Variants in UBE2E2 observed in about 807,000 individuals in gnomAD.
The protein encoded by UBE2E2 is ubiquitin conjugating enzyme E2 E2, also known as ubiquitin-conjugating enzyme E2 E2.
In UBE2E2, 6 loss-of-function variants were observed where a neutral mutation model predicts 24.7. That is an observed-to-expected ratio of 0.24 (90% CI 0.13 to 0.48). The LOEUF (loss-of-function observed/expected upper bound fraction) is 0.48. UBE2E2 is among the 20% of genes least tolerant of loss of function. The pLI is 0.99. For missense variants in UBE2E2, 169 were observed against 245.0 expected, an observed-to-expected ratio of 0.69 and a Z score of 2.07; for synonymous variants, 104 against 83.6, an observed-to-expected ratio of 1.24 and a Z score of -1.33.
chr3:23,293,378 G>A (rs1698823392), intron 3 of UBE2E2, among the ~76,000 whole-genome samples: 1 of 152,200 alleles, frequency 6.6e-6, no homozygotes, highest in Non-Finnish European at 1.5e-5. Flanking sequence ...CTAACATGAA[G>A]GAGTTGAGAT....
At chr3:23,445,970 A>G (rs1008354012) in intron 3 of UBE2E2, among the ~76,000 whole-genome samples, 2 of 152,148 alleles carry the variant, frequency 1.3e-5, no homozygotes, top group African/African-American at 4.8e-5. Flanking sequence ...TTTATCCGTC[A>G]ATGATAGGTC....
At chr3:23,308,831 C>T (rs529181840) in intron 3 of UBE2E2, among the ~76,000 whole-genome samples, 1 of 152,254 alleles carries the variant, frequency 6.6e-6, no homozygotes, top group South Asian at 2.1e-4. Flanking sequence ...AGTCCGGAAG[C>T]CTCAAAACCG....
intron 3 of UBE2E2, among the ~76,000 whole-genome samples, chr3:23,288,334 A>G (rs899917889): frequency 4.6e-5 from 7 of 152,202 alleles, no homozygotes; most frequent in African/African-American, 1.4e-4. Flanking sequence ...GTGGCCTAAT[A>G]TATAGTCTAT....
At chr3:23,221,222 A>G (rs1696627219) in intron 3 of UBE2E2, among the ~76,000 whole-genome samples, 1 of 152,146 alleles carries the variant, frequency 6.6e-6, no homozygotes, top group Non-Finnish European at 1.5e-5. Flanking sequence ...AGCAGTTTAC[A>G]CTTCTATTTC....
chr3:23,567,511 CA>C (rs1249642714), intron 5 of UBE2E2, among the ~76,000 whole-genome samples: 1 of 152,122 alleles, frequency 6.6e-6, no homozygotes, highest in Admixed American at 6.5e-5. Context: ...GAAGACCAAG[CA>C]AAAGGTCACT....
intron 3 of UBE2E2, among the ~76,000 whole-genome samples, chr3:23,481,613 G>A (rs1575658419): frequency 6.6e-6 from 1 of 152,158 alleles, no homozygotes; most frequent in African/African-American, 2.4e-5. Flanking sequence ...TCCTCTGTTT[G>A]TGTCTTACAG....
rs562813995 is a variant in UBE2E2, at chr3:23,266,240, C to A, written c.227+48928C>A. Among the ~76,000 whole-genome samples the A allele has an allele frequency of 3.9e-5, 6 of 152,102 alleles. No individual in the cohort carries two copies. In the East Asian group the frequency reaches 9.7e-4, roughly 25 times the overall value. ...TTAGTTGATGCAGTTTCTTCCTAGC[C>A]TCGATGGTCTTTACAATTTGGCATG... On this transcript the variant is annotated intron_variant, in intron 3 of 5. Coordinates refer to ENST00000396703, the MANE Select transcript of UBE2E2 (RefSeq NM_152653.4).
intron 3 of UBE2E2, among the ~76,000 whole-genome samples, chr3:23,294,124 G>T (rs1012695978): frequency 6.6e-6 from 1 of 152,136 alleles, no homozygotes; most frequent in Non-Finnish European, 1.5e-5. Context: ...AACTAATTCC[G>T]CAAGAATAAT....
At chr3:23,377,019 A>G (rs1298559897) in intron 3 of UBE2E2, among the ~76,000 whole-genome samples, 2 of 152,218 alleles carry the variant, frequency 1.3e-5, no homozygotes, top group African/African-American at 2.4e-5. Flanking sequence ...TTTCACAGCA[A>G]CATAACAGGA....
rs1238384427 is a variant in UBE2E2, at chr3:23,407,642, C to CATGTGTGTGT, written c.228-91966_228-91965insATGTGTGTGT. ...ATGTGTGTGTGTTTGTGTGTGCATG[C>CATGTGTGTGT]GTGCATGTGTGTGTGTGTGTGTGTG... On this transcript the variant is annotated intron_variant, in intron 3 of 5. Transcript: ENST00000396703. The surrounding 1 kb of genome is among the most constrained non-coding windows in gnomAD (Gnocchi z 4.0). Among the ~76,000 whole-genome samples the CATGTGTGTGT allele has an allele frequency of 8.4e-6, 1 of 119,290 alleles. No individual in the cohort carries two copies. Among genetic ancestry groups the CATGTGTGTGT allele is most frequent in the African/African-American group, 3.6e-5 (1 of 27,454 alleles). 78.3% of individuals were successfully genotyped at this position (119,290 alleles called of 152,430 possible). A position where few individuals can be genotyped will look rare whatever the true frequency, so the allele number is the denominator to read the frequency against.
intron 5 of UBE2E2, among the ~76,000 whole-genome samples, chr3:23,558,908 A>G (rs1695854516): frequency 6.6e-6 from 1 of 152,144 alleles, no homozygotes; most frequent in Admixed American, 6.6e-5. Flanking sequence ...TTATAATTGT[A>G]TTTATATTAA....
intron 3 of UBE2E2, among the ~76,000 whole-genome samples, chr3:23,349,246 G>A (rs1448783989): frequency 2.0e-5 from 3 of 152,002 alleles, no homozygotes; most frequent in Non-Finnish European, 4.4e-5. Context: ...ATGCTTCAGG[G>A]AGGCAGCCAA....
At chr3:23,413,818 T>G (rs1156249147) in intron 3 of UBE2E2, among the ~76,000 whole-genome samples, 1 of 152,186 alleles carries the variant, frequency 6.6e-6, no homozygotes, top group Non-Finnish European at 1.5e-5. Flanking sequence ...CTGGTACATG[T>G]CAGGCATCCA....
At chr3:23,240,073 G>A (rs1442504487) in intron 3 of UBE2E2, among the ~76,000 whole-genome samples, 1 of 152,060 alleles carries the variant, frequency 6.6e-6, no homozygotes, top group Non-Finnish European at 1.5e-5. Flanking sequence ...AACTATTATA[G>A]ACTGGGAGAA....
chr3:23,255,591 G>A (rs1040485881), intron 3 of UBE2E2, among the ~76,000 whole-genome samples: 28 of 152,038 alleles, frequency 1.8e-4, no homozygotes, highest in African/African-American at 6.5e-4. Flanking sequence ...GAGAGAAAAA[G>A]GGCATTTCCA....
intron 3 of UBE2E2, among the ~76,000 whole-genome samples, chr3:23,427,640 A>G (rs1324864901): frequency 6.6e-6 from 1 of 152,224 alleles, no homozygotes; most frequent in African/African-American, 2.4e-5. Context: ...ATGGATGAGA[A>G]GCAAGACTCA....
At chr3:23,573,841 T>A (rs985474679) in intron 5 of UBE2E2, among the ~76,000 whole-genome samples, 6 of 152,096 alleles carry the variant, frequency 3.9e-5, no homozygotes, top group Admixed American at 3.3e-4. Flanking sequence ...TGCTATTAGG[T>A]CAATAAGCTC....
At chr3:23,261,958 T>A (rs764244149) in intron 3 of UBE2E2, among the ~76,000 whole-genome samples, 1 of 152,266 alleles carries the variant, frequency 6.6e-6, no homozygotes, top group African/African-American at 2.4e-5. Context: ...ATCTCTTTGA[T>A]ATTCTGATTT....
chr3:23,328,435 G>T (rs1243473719), intron 3 of UBE2E2, among the ~76,000 whole-genome samples: 3 of 152,152 alleles, frequency 2.0e-5, no homozygotes, highest in Non-Finnish European at 2.9e-5. Context: ...AATAAGCTTT[G>T]TGTTAGATTG....
Sources: gnomAD v4.1 joint callset for allele counts (sites outside exome capture counted in the v4.1 genomes callset) on GRCh38, gnomAD v4.1.1 for gene constraint, Gnocchi (gnomAD v3.1) non-coding constraint, MANE v1.5 for transcripts, NCBI Gene and HGNC (gene_info 2026-07-23, HGNC 2026-07-21) for gene names.